GABPB1: variants seen among roughly 807,000 people sequenced by gnomAD.
The protein encoded by GABPB1 is GA binding protein transcription factor subunit beta 1, also known as GA-binding protein subunit beta-1.
GABPB1 carries 15 observed loss-of-function variants against 45.9 expected under a neutral mutation model. The observed-to-expected ratio is 0.33, with a 90% confidence interval of 0.22 to 0.50. The LOEUF is 0.50. Ranked by LOEUF, GABPB1 falls within the 20% of genes least tolerant of loss-of-function variation. The pLI, the probability that GABPB1 is intolerant of heterozygous loss-of-function variation, is 0.98. For missense variants in GABPB1, 252 were observed against 457.5 expected, an observed-to-expected ratio of 0.55 and a Z score of 4.10; for synonymous variants, 143 against 154.4, an observed-to-expected ratio of 0.93 and a Z score of 0.55.
intron 6 of GABPB1, among the ~76,000 whole-genome samples, chr15:50,290,557 C>T (rs951783235): frequency 5.3e-5 from 8 of 150,604 alleles, no homozygotes; most frequent in Non-Finnish European, 1.0e-4. Context: ...TGCCACTGCC[C>T]TCTACACTGG....
rs2045833477 is a variant in GABPB1 at position 50,275,934 on chromosome 15, A to AATCT, written c.*2697_*2698insAGAT. The AATCT allele has an allele frequency of 6.6e-6, 1 of 152,230 alleles. No homozygotes were observed. The highest frequency in any genetic ancestry group is 2.1e-4 in the South Asian group (1 of 4,832). The allele number at this position is 152,230 out of a possible 1,614,324, so 9.4% of individuals were successfully genotyped here. A position where few individuals can be genotyped will look rare whatever the true frequency, so the allele number is the denominator to read the frequency against. ...GAGGTCCAGGGACTATACAGAGGGA[A>AATCT]GTGTTAAATCTGAATAAAGTAATTG... is the stretch of plus-strand genomic sequence containing the variant. On this transcript the variant is annotated 3_prime_UTR_variant, in exon 9 of 9. Transcript: ENST00000380877.
intron 7 of GABPB1, 36 bp downstream of exon 7, chr15:50,289,447 A>AC (rs1049007647): frequency 8.5e-6 from 12 of 1,411,644 alleles, no homozygotes; most frequent in African/African-American, 1.5e-5. Flanking sequence ...TAAAAAAAAA[A>AC]AACATACAAA....
In GABPB1 at chr15:50,276,796, C is replaced by T. The variant is rs1567463996; in HGVS notation, c.*1836G>A. ...GGTACCTGGCTGTGGTACCAGCACC[C>T]TGCCTAACATGACAAATTAATGTAC... On this transcript the variant is annotated 3_prime_UTR_variant, in exon 9 of 9. Transcript: ENST00000380877. 1 of 152,244 alleles carries T rather than the reference C, an allele frequency of 6.6e-6. No homozygotes were observed. The highest frequency in any genetic ancestry group is 1.9e-4 in the East Asian group (1 of 5,198). 9.4% of individuals were successfully genotyped at this position (152,244 alleles called of 1,614,324 possible).
rs12470 is a variant in GABPB1 at position 50,277,864 on chromosome 15, G to A, written c.*768C>T. On this transcript the variant is annotated 3_prime_UTR_variant, in exon 9 of 9. Transcript: ENST00000380877. Reference sequence around the variant, plus strand: ...AGTTATCTTGTAGGCTGCTCCTTCCGAGAACACTGTCATTCCAATAAAACC... The same window carrying A: ...AGTTATCTTGTAGGCTGCTCCTTCCAAGAACACTGTCATTCCAATAAAACC... The A allele has an allele frequency of 2.0e-5, 3 of 152,528 alleles. No individual in the cohort carries two copies. The highest frequency in any genetic ancestry group is 1.9e-4 in the East Asian group (1 of 5,176). The allele number at this position is 152,528 out of a possible 1,614,324, so 9.4% of individuals were successfully genotyped here.
At chr15:50,314,449 C>G (rs2141066493) in intron 1 of GABPB1, 1 of 152,746 alleles carries the variant, frequency 6.5e-6, no homozygotes. Context: ...TCCCATAGTG[C>G]TGGGATTACA....
At chr15:50,289,818 G>A in intron 6 of GABPB1, 150 bp from the exon 7 acceptor site, 1 of 607,440 alleles carries the variant, frequency 1.6e-6, no homozygotes. Context: ...TGATGCCCAG[G>A]CTGGAGGGTA....
chr15:50,313,279 G>C (rs2047193971), intron 1 of GABPB1, among the ~76,000 whole-genome samples: 1 of 152,146 alleles, frequency 6.6e-6, no homozygotes, highest in African/African-American at 2.4e-5. Flanking sequence ...AATGCTCAGT[G>C]TCACTGTTAA....
chr15:50,333,837 TG>T (rs2048025945), intron 1 of GABPB1, among the ~76,000 whole-genome samples: 1 of 152,074 alleles, frequency 6.6e-6, no homozygotes, highest in Non-Finnish European at 1.5e-5. Flanking sequence ...GAGACCAGCC[TG>T]GCCAACATAG....
intron 2 of GABPB1, among the ~76,000 whole-genome samples, chr15:50,308,562 T>C (rs943508679): frequency 6.6e-6 from 1 of 152,216 alleles, no homozygotes; most frequent in Non-Finnish European, 1.5e-5. Context: ...TCCAGAATTA[T>C]GAGATAAGAT....
chr15:50,318,995 T>C (rs1309681198), intron 1 of GABPB1, among the ~76,000 whole-genome samples: 1 of 152,130 alleles, frequency 6.6e-6, no homozygotes, highest in Non-Finnish European at 1.5e-5. Flanking sequence ...GTAATCCTAT[T>C]GAAAAGATAA....
At chr15:50,354,350 GC>G in intron 1 of GABPB1, 1 of 446,890 alleles carries the variant, frequency 2.2e-6, no homozygotes, top group Non-Finnish European at 4.5e-6. Context: ...CGCTGCGGGG[GC>G]CCCGCGCGGG....
At chr15:50,321,095 T>A (rs1325228767) in intron 1 of GABPB1, among the ~76,000 whole-genome samples, 1 of 152,154 alleles carries the variant, frequency 6.6e-6, no homozygotes, top group Non-Finnish European at 1.5e-5. Flanking sequence ...ATACACACAG[T>A]ATACTAATTA....
chr15:50,343,079 T>C (rs965155096), intron 1 of GABPB1, among the ~76,000 whole-genome samples: 1 of 152,164 alleles, frequency 6.6e-6, no homozygotes, highest in African/African-American at 2.4e-5. Flanking sequence ...TTTTGTATTT[T>C]TAGTAGAGAC....
chr15:50,328,690 A>G (rs2047855876), intron 1 of GABPB1, among the ~76,000 whole-genome samples: 1 of 152,214 alleles, frequency 6.6e-6, no homozygotes, highest in Non-Finnish European at 1.5e-5. Flanking sequence ...CTGTGGCATC[A>G]TACTTTGGCT....
intron 1 of GABPB1, among the ~76,000 whole-genome samples, chr15:50,348,558 T>A (rs1220079046): frequency 6.6e-6 from 1 of 151,798 alleles, no homozygotes; most frequent in Non-Finnish European, 1.5e-5. Flanking sequence ...GCCATTTTTT[T>A]TTTTTTAAAC....
intron 8 of GABPB1, among the ~76,000 whole-genome samples, chr15:50,283,229 C>T (rs907632879): frequency 6.6e-6 from 1 of 152,116 alleles, no homozygotes; most frequent in Non-Finnish European, 1.5e-5. Context: ...AATAGTCTAA[C>T]GTTTATTTTT....
chr15:50,337,255 T>A (rs1258332965), intron 1 of GABPB1, among the ~76,000 whole-genome samples: 1 of 150,962 alleles, frequency 6.6e-6, no homozygotes, highest in African/African-American at 2.4e-5. Flanking sequence ...TAAGCACACG[T>A]TGGAGGTGAC....
rs777530520 is a variant in GABPB1 at position 50,304,038 on chromosome 15, G to C, written c.204C>G (p.Thr68=). The change falls in exon 3 of 9, where the codon ACC becomes ACG. Residue 68 remains threonine, a synonymous_variant. Coordinates refer to ENST00000380877, the MANE Select transcript of GABPB1 (RefSeq NM_016654.5). The part of the protein sequence containing the change: ...LRAGVSRDAR[T]KVDRTPLHMA... ...TATGTAATGGTGTTCGGTCCACTTT[G>C]GTTCTGGCATCTCTGCTCACACCAG... 1.9e-6 allele frequency: 3 copies of C among 1,613,424 alleles called. No individual in the cohort carries two copies. Among genetic ancestry groups the C allele is most frequent in the East Asian group, 2.2e-5 (1 of 44,846 alleles).
At chr15:50,340,775 G>A (rs1172213890) in intron 1 of GABPB1, among the ~76,000 whole-genome samples, 1 of 149,990 alleles carries the variant, frequency 6.7e-6, no homozygotes, top group Non-Finnish European at 1.5e-5. Flanking sequence ...TTCCTCTTCC[G>A]AAACTGCCTA....
Sources: gnomAD v4.1 joint callset for allele counts (sites outside exome capture counted in the v4.1 genomes callset) on GRCh38, gnomAD v4.1.1 for gene constraint, MANE v1.5 for transcripts, NCBI Gene and HGNC (gene_info 2026-07-23, HGNC 2026-07-21) for gene names.